ALK: variants seen among roughly 807,000 people sequenced by gnomAD.
The protein encoded by ALK is ALK receptor tyrosine kinase.
ALK carries 74 observed loss-of-function variants against 163.1 expected under a neutral mutation model. The ratio of observed to expected loss-of-function variants is 0.45; its 90% confidence interval spans 0.38 to 0.55. The LOEUF is 0.55. Among genes scored for constraint, ALK ranks in the 20% least tolerant of loss-of-function variants. The pLI is 0.00. For synonymous variants in ALK, 960 were observed against 843.2 expected (o/e 1.14, Z -2.40); for missense variants, 2,063 against 2,105.3 (o/e 0.98, Z 0.39).
chr2:29,587,804 A>C (rs1286371876), intron 3 of ALK, among the ~76,000 whole-genome samples: 2 of 152,244 alleles, frequency 1.3e-5, no homozygotes, highest in Non-Finnish European at 2.9e-5. Context: ...AAATTAAAAA[A>C]ATGTAGCTTA....
At chr2:29,375,400 G>A (rs1352013866) in intron 5 of ALK, among the ~76,000 whole-genome samples, 1 of 152,020 alleles carries the variant, frequency 6.6e-6, no homozygotes, top group Non-Finnish European at 1.5e-5. Context: ...CTCACTGCAA[G>A]CTCTGCCTCC....
In ALK at chr2:29,638,008, A is replaced by G. The variant is rs1216631319; in HGVS notation, c.952+56842T>C. On this transcript the variant is annotated intron_variant, in intron 3 of 28. Coordinates refer to ENST00000389048, the MANE Select transcript of ALK (RefSeq NM_004304.5). ...GAAAAAAAAATCAATGTATATGTCA[A>G]TGAAATAAGCAGAGCTCTAGTGTTC... 3.1e-5 allele frequency among the ~76,000 whole-genome samples: 3 copies of G among 98,110 alleles called. No homozygotes were observed. The South Asian group carries it at 1.3e-3, about 41-fold the overall frequency. 64.4% of individuals were successfully genotyped at this position (98,110 alleles called of 152,430 possible).
At chr2:29,762,947 C>T (rs1200357246) in intron 1 of ALK, among the ~76,000 whole-genome samples, 1 of 151,940 alleles carries the variant, frequency 6.6e-6, no homozygotes, top group African/African-American at 2.4e-5. Flanking sequence ...ATTAGCTGAG[C>T]GTGGTGATGT....
chr2:29,910,134 C>CA (rs1400475613), intron 1 of ALK, among the ~76,000 whole-genome samples: 1 of 151,954 alleles, frequency 6.6e-6, no homozygotes. Flanking sequence ...TATACGTGTT[C>CA]AAGGACTTAG....
At chr2:29,740,821 G>A (rs1018792946) in intron 1 of ALK, among the ~76,000 whole-genome samples, 1 of 152,076 alleles carries the variant, frequency 6.6e-6, no homozygotes, top group Non-Finnish European at 1.5e-5. Context: ...GGCCAACATA[G>A]TGAAACCCTG....
intron 1 of ALK, among the ~76,000 whole-genome samples, chr2:29,907,405 G>A (rs755686040): frequency 6.6e-5 from 10 of 152,006 alleles, no homozygotes; most frequent in South Asian, 2.1e-4. Flanking sequence ...ACTTAAACAC[G>A]TTTTGCTTCT....
chr2:29,859,302 G>A (rs914395015), intron 1 of ALK, among the ~76,000 whole-genome samples: 1 of 152,200 alleles, frequency 6.6e-6, no homozygotes, highest in Admixed American at 6.5e-5. Flanking sequence ...GTCAGGTCTG[G>A]GATGGGAGTC....
chr2:29,441,611 T>A (rs1221208955), intron 4 of ALK, among the ~76,000 whole-genome samples: 2 of 152,194 alleles, frequency 1.3e-5, no homozygotes, highest in South Asian at 2.1e-4. Context: ...AATGTTTTAA[T>A]AACCAGCATG....
At chr2:29,263,918 C>T (rs1384466351) in intron 11 of ALK, among the ~76,000 whole-genome samples, 1 of 152,240 alleles carries the variant, frequency 6.6e-6, no homozygotes, top group Non-Finnish European at 1.5e-5. Flanking sequence ...CAGCCATTGG[C>T]TGGATCCTAC....
chr2:29,318,860 C>T (rs184763836), intron 7 of ALK, among the ~76,000 whole-genome samples: 1 of 152,284 alleles, frequency 6.6e-6, no homozygotes, highest in East Asian at 1.9e-4. Context: ...GCCACTGCGC[C>T]TGGCCAACAA....
chr2:29,235,318 A>G (rs115962656), intron 13 of ALK, among the ~76,000 whole-genome samples: 12,079 of 152,294 alleles, frequency 0.079, 612 homozygotes, highest in Non-Finnish European at 0.12. Flanking sequence ...GGATGCAGCC[A>G]TTCTTCTTGA....
intron 1 of ALK, among the ~76,000 whole-genome samples, chr2:29,792,795 T>TA (rs11420714): frequency 0.96 from 146,671 of 152,168 alleles, 70,780 homozygotes; most frequent in East Asian, 1. Context: ...GCATAATCTC[T>TA]AAAAAAATAT....
intron 1 of ALK, among the ~76,000 whole-genome samples, chr2:29,917,270 G>A (rs1052019997): frequency 1.1e-4 from 17 of 152,146 alleles, no homozygotes; most frequent in African/African-American, 3.6e-4. Context: ...CAGCATCATT[G>A]TGTACCTCCA....
intron 4 of ALK, among the ~76,000 whole-genome samples, chr2:29,391,215 TC>T (rs1017944393): frequency 1.3e-5 from 2 of 149,970 alleles, no homozygotes; most frequent in African/African-American, 2.4e-5. Context: ...TAGAAGATGT[TC>T]CAAACTGCAT....
rs547815602 is a variant in ALK at position 29,382,323 on chromosome 2, C to T, written c.1282+1409G>A. ...ACGGGTCTCTGGAACAGACTCACTGCGAATGCAACACAGGCTATGGGGGAT... is the reference window on the plus strand; with the variant it reads ...ACGGGTCTCTGGAACAGACTCACTGTGAATGCAACACAGGCTATGGGGGAT... On this transcript the variant is annotated intron_variant, in intron 5 of 28. Coordinates refer to ENST00000389048, the MANE Select transcript of ALK (RefSeq NM_004304.5). Among the ~76,000 whole-genome samples, 6 of 152,226 alleles carry T rather than the reference C, an allele frequency of 3.9e-5. No homozygotes were observed. In the East Asian group the frequency reaches 9.6e-4, roughly 24 times the overall value.
rs950931067 is a variant in ALK, at chr2:29,296,086, C to A, written c.1817+802G>T. On this transcript the variant is annotated intron_variant, in intron 9 of 28. Transcript: ENST00000389048. Reference sequence around the variant, plus strand: ...ATCCTGGGAGACAAGTGGCAGTGAACACTCCATGGTTCCTGCTCCATTGCA... The same window carrying A: ...ATCCTGGGAGACAAGTGGCAGTGAAAACTCCATGGTTCCTGCTCCATTGCA... Among the ~76,000 whole-genome samples the A allele has an allele frequency of 3.9e-5, 6 of 152,292 alleles. No individual in the cohort carries two copies. The East Asian group carries it at 1.2e-3, about 29-fold the overall frequency.
intron 1 of ALK, among the ~76,000 whole-genome samples, chr2:29,812,427 C>T (rs1287673687): frequency 6.6e-6 from 1 of 152,042 alleles, no homozygotes; most frequent in African/African-American, 2.4e-5. Context: ...AATTAGGTCT[C>T]GGGGCACTGG....
chr2:29,448,651 C>A (rs111778402), intron 4 of ALK, among the ~76,000 whole-genome samples: 1 of 152,304 alleles, frequency 6.6e-6, no homozygotes, highest in African/African-American at 2.4e-5. Flanking sequence ...CCACCAAAAG[C>A]TCCATGGGTA....
At chr2:29,372,579 C>A (rs959550612) in intron 5 of ALK, among the ~76,000 whole-genome samples, 1 of 152,136 alleles carries the variant, frequency 6.6e-6, no homozygotes, top group Non-Finnish European at 1.5e-5. Flanking sequence ...ACACAGTATC[C>A]CATTTAATCC....
Sources: allele counts gnomAD v4.1 joint callset (sites outside exome capture counted in the v4.1 genomes callset), GRCh38; gene constraint gnomAD v4.1.1; transcripts MANE v1.5; gene names NCBI Gene and HGNC (gene_info 2026-07-23, HGNC 2026-07-21).